The following NOP58 variants were observed in gnomAD, a reference collection of about 807,000 sequenced individuals.
NOP58 encodes NOP58 ribonucleoprotein, also known as nucleolar protein 58.
Under a neutral mutation model 71.2 loss-of-function variants are expected in NOP58, and 44 were observed. The observed-to-expected ratio is 0.62, with a 90% CI of 0.49 to 0.79. The LOEUF is 0.79. Ranked by LOEUF, NOP58 falls within the 30% of genes least tolerant of loss-of-function variation. The probability of loss-of-function intolerance (pLI) is 0.00; values close to 1 mark genes in which losing one functional copy is unlikely to be tolerated. For missense variants in NOP58, 538 were observed against 620.2 expected (o/e 0.87, Z 1.41); for synonymous variants, 228 against 200.3 (o/e 1.14, Z -1.17).
At chr2:202,303,116 T>G (rs1356265035) in intron 14 of NOP58, 59 bp downstream of exon 14, 10 of 1,535,472 alleles carry the variant, frequency 6.5e-6, no homozygotes, top group Non-Finnish European at 8.8e-6. Context: ...TATATTTCAA[T>G]CTATTTTCTA....
chr2:202,285,370 T>C (rs1052653560), intron 5 of NOP58, among the ~76,000 whole-genome samples: 2 of 129,858 alleles, frequency 1.5e-5, no homozygotes, highest in Non-Finnish European at 3.2e-5. Context: ...TTTTTTTGAG[T>C]CAGGGTCTCA....
chr2:202,290,047 T>C (rs897391851), intron 6 of NOP58, among the ~76,000 whole-genome samples: 4 of 152,154 alleles, frequency 2.6e-5, no homozygotes, highest in Admixed American at 1.3e-4. Context: ...CTCCACCTCC[T>C]GTGTTCAAGT....
At chr2:202,283,871 A>G (rs1012080494) in intron 4 of NOP58, among the ~76,000 whole-genome samples, 3 of 152,232 alleles carry the variant, frequency 2.0e-5, no homozygotes, top group African/African-American at 7.2e-5. Flanking sequence ...GGAAGCTTGT[A>G]TCAGTTTTTA....
intron 4 of NOP58, 135 bp from the exon 5 acceptor site, chr2:202,284,207 AGGT>A (rs1254662231): frequency 1.6e-6 from 1 of 612,012 alleles, no homozygotes; most frequent in African/African-American, 1.9e-5. Context: ...CAGGAGGCGG[AGGT>A]TGTAGTGAGC....
In NOP58 at chr2:202,284,335, G is replaced by C; in HGVS notation, c.298-10G>C. ...TTTTTAATTTAATATAGATGTTCAT[G>C]TTCTTGTAGGAAAAGCTGAATCTCA... On this transcript the variant is annotated splice_polypyrimidine_tract_variant and intron_variant, in intron 4 of 14. Transcript: ENST00000264279. 6.3e-7 allele frequency: 1 copy of C among 1,579,166 alleles called. No homozygotes were observed. Among genetic ancestry groups the C allele is most frequent in the Non-Finnish European group, 8.6e-7 (1 of 1,161,018 alleles).
At chr2:202,293,236 C>A (rs76926643) in intron 9 of NOP58, 107 of 435,186 alleles carry the variant, frequency 2.5e-4, no homozygotes, top group African/African-American at 1.9e-3. Flanking sequence ...CTCACTAGAC[C>A]TAGATTTGAA....
intron 9 of NOP58, 148 bp from the exon 10 acceptor site, chr2:202,295,526 T>G: frequency 1.7e-6 from 1 of 585,254 alleles, no homozygotes; most frequent in South Asian, 4.4e-5. Flanking sequence ...CATCAAGATT[T>G]TTAGGGAATT....
At chr2:202,303,271 G>C (rs988401558) in intron 14 of NOP58, 115 bp from the exon 15 acceptor site, 2 of 1,455,052 alleles carry the variant, frequency 1.4e-6, no homozygotes, top group Middle Eastern at 1.8e-4. Context: ...TTGAGGGGAG[G>C]AGTATGATTT....
At chr2:202,277,004 G>T (rs1281910530) in intron 2 of NOP58, among the ~76,000 whole-genome samples, 1 of 152,132 alleles carries the variant, frequency 6.6e-6, no homozygotes, top group Non-Finnish European at 1.5e-5. Context: ...GCCAGCCATG[G>T]GGGCTGGGCA....
chr2:202,295,664 T>C lies in NOP58; in HGVS notation c.908-10T>C. ...GGAGGTGCATTCTTTGTAACTTTTT[T>C]CTTTTGTAGGTTCTCTTTTAAATTT... On this transcript the variant is annotated splice_polypyrimidine_tract_variant and intron_variant, in intron 9 of 14. Coordinates refer to ENST00000264279, the MANE Select transcript of NOP58 (RefSeq NM_015934.5). 2 of 1,552,692 alleles carry C rather than the reference T, an allele frequency of 1.3e-6. No homozygotes were observed. The highest frequency in any genetic ancestry group is 4.6e-5 in the East Asian group (2 of 43,896).
At chr2:202,266,292 G>C (rs1426664649) in intron 1 of NOP58, among the ~76,000 whole-genome samples, 1 of 150,728 alleles carries the variant, frequency 6.6e-6, no homozygotes, top group Non-Finnish European at 1.5e-5. Context: ...TTTGAGGAAT[G>C]ATCGAAAGAT....
chr2:202,297,983 C>A, intron 12 of NOP58, 77 bp downstream of exon 12: 1 of 893,412 alleles, frequency 1.1e-6, no homozygotes, highest in East Asian at 2.7e-5. Context: ...TTATTGTAAA[C>A]TTCACCTTGA....
At chr2:202,300,986 T>G (rs1382063912) in intron 13 of NOP58, among the ~76,000 whole-genome samples, 1 of 152,238 alleles carries the variant, frequency 6.6e-6, no homozygotes, top group Non-Finnish European at 1.5e-5. Context: ...AAGTATATGA[T>G]CTACAAATGT....
intron 9 of NOP58, 27 bp downstream of exon 9, chr2:202,292,930 T>A: frequency 6.2e-7 from 1 of 1,612,678 alleles, no homozygotes; most frequent in South Asian, 1.1e-5. Flanking sequence ...AATTTGTAAA[T>A]ATGAGTGTTT....
chr2:202,288,275 G>A (rs1318479099), intron 6 of NOP58, among the ~76,000 whole-genome samples: 2 of 149,880 alleles, frequency 1.3e-5, no homozygotes, highest in African/African-American at 2.5e-5. Flanking sequence ...ACCTGAGGTC[G>A]GGAATTTGAG....
chr2:202,295,846 T>A lies in NOP58; in HGVS notation c.1071+9T>A, dbSNP rs79305714. The A allele has an allele frequency of 6.5e-7, 1 of 1,542,464 alleles. No individual in the cohort carries two copies. The highest frequency in any genetic ancestry group is 1.3e-5 in the South Asian group (1 of 79,980). ...CCAAACACAAAGGAAAGGTGTGTTA[T>A]AGGGTTTTGCTTTGTTTTTGAGGTT... On this transcript the variant is annotated intron_variant, in intron 10 of 14. Coordinates refer to ENST00000264279, the MANE Select transcript of NOP58 (RefSeq NM_015934.5).
At chr2:202,281,753 A>T (rs1468341649) in intron 3 of NOP58, among the ~76,000 whole-genome samples, 4 of 152,226 alleles carry the variant, frequency 2.6e-5, no homozygotes. Context: ...GTGGGTCCAG[A>T]AAAAGGGAAT....
At chr2:202,273,681 G>A (rs529409502) in intron 1 of NOP58, among the ~76,000 whole-genome samples, 1 of 152,180 alleles carries the variant, frequency 6.6e-6, no homozygotes, top group Non-Finnish European at 1.5e-5. Context: ...GTTGGCTCAC[G>A]CCTGTAATCC....
rs533715890 is a variant in NOP58 at position 202,303,519 on chromosome 2, G to A, written c.*83G>A. 8 of 1,498,994 alleles carry A rather than the reference G, an allele frequency of 5.3e-6. No homozygotes were observed. The highest frequency in any genetic ancestry group is 4.1e-5 in the South Asian group (3 of 73,950). The allele number at this position is 1,498,994 out of a possible 1,614,324, so 92.9% of individuals were successfully genotyped here. On this transcript the variant is annotated 3_prime_UTR_variant, in exon 15 of 15. Coordinates refer to ENST00000264279, the MANE Select transcript of NOP58 (RefSeq NM_015934.5). Reference sequence around the variant, plus strand: ...GAGCATACCAGGGATGCTCTCTAACGTAATCAAGGGAAGGTTCAGTAAGAC... The same window carrying A: ...GAGCATACCAGGGATGCTCTCTAACATAATCAAGGGAAGGTTCAGTAAGAC...
Sources: allele counts gnomAD v4.1 joint callset (sites outside exome capture counted in the v4.1 genomes callset), GRCh38; gene constraint gnomAD v4.1.1; transcripts MANE v1.5; gene names NCBI Gene and HGNC (gene_info 2026-07-23, HGNC 2026-07-21).